The following SLC1A2 variants were observed in gnomAD, a reference collection of about 807,000 sequenced individuals.
SLC1A2 encodes the protein excitatory amino acid transporter 2.
SLC1A2 carries 15 observed loss-of-function variants against 48.8 expected under a neutral mutation model. The ratio of observed to expected loss-of-function variants is 0.31; its 90% CI spans 0.21 to 0.47. SLC1A2 has a LOEUF of 0.47. Among genes scored for constraint, SLC1A2 ranks in the 20% least tolerant of loss-of-function variants. The probability of loss-of-function intolerance (pLI) is 0.99; values close to 1 mark genes in which losing one functional copy is unlikely to be tolerated. For missense variants in SLC1A2, 502 were observed against 730.5 expected (o/e 0.69, Z 3.61); for synonymous variants, 279 against 272.6 (o/e 1.02, Z -0.23).
At chr11:35,311,671 A>G (rs1043700557) in intron 4 of SLC1A2, among the ~76,000 whole-genome samples, 12 of 152,088 alleles carry the variant, frequency 7.9e-5, no homozygotes, top group African/African-American at 2.4e-4. Context: ...CTCCAGATTC[A>G]TCTCTTGGAG....
Position 35,258,631 on chromosome 11 carries a change from T to C in SLC1A2, c.*2263A>G, listed in dbSNP as rs1008821495. The C allele has an allele frequency of 6.6e-6, 1 of 152,550 alleles. No individual in the cohort carries two copies. Among genetic ancestry groups the C allele is most frequent in the Non-Finnish European group, 1.5e-5 (1 of 68,052 alleles). 9.4% of individuals were successfully genotyped at this position (152,550 alleles called of 1,614,324 possible). A position where few individuals can be genotyped will look rare whatever the true frequency, so the allele number is the denominator to read the frequency against. The stretch of plus-strand genomic sequence containing the variant: ...ACCCAGGAACTGTCTCCTTAACCTA[T>C]AACATTTGCTGTAAAGAATGTATTT... On this transcript the variant is annotated 3_prime_UTR_variant, in exon 11 of 11. Coordinates refer to ENST00000278379, the MANE Select transcript of SLC1A2 (RefSeq NM_004171.4).
At chr11:35,338,277 A>G (rs907971080) in intron 1 of SLC1A2, among the ~76,000 whole-genome samples, 2 of 151,634 alleles carry the variant, frequency 1.3e-5, no homozygotes, top group South Asian at 2.1e-4. Context: ...ACACTTGTTG[A>G]CCCCCTTCTT....
chr11:35,369,526 C>A (rs968479956), intron 1 of SLC1A2, among the ~76,000 whole-genome samples: 2 of 152,162 alleles, frequency 1.3e-5, no homozygotes, highest in African/African-American at 4.8e-5. Flanking sequence ...AGCCATGGGG[C>A]CTTGGGGATA....
At chr11:35,314,974 G>C in intron 3 of SLC1A2, 49 bp downstream of exon 3, 1 of 1,395,278 alleles carries the variant, frequency 7.2e-7, no homozygotes. Flanking sequence ...TTAAAAGCCA[G>C]GGCAGGAGTA....
rs536240115 is a variant in SLC1A2 at position 35,344,599 on chromosome 11, C to G, written c.18-27083G>C. Among the ~76,000 whole-genome samples, 5 of 152,300 alleles carry G rather than the reference C, an allele frequency of 3.3e-5. No homozygotes were observed. The South Asian group carries it at 1.0e-3, about 32-fold the overall frequency. ...TTACCCACAGCCCCTAGTTAAGATC[C>G]TTTGTTCTACTCCAACCAGTTGTTG... is the stretch of plus-strand genomic sequence containing the variant. On this transcript the variant is annotated intron_variant, in intron 1 of 10. Transcript: ENST00000278379.
chr11:35,399,492 G>C, intron 1 of SLC1A2: 1 of 300,528 alleles, frequency 3.3e-6, no homozygotes, highest in Non-Finnish European at 4.9e-6. Context: ...AATCTGGAGA[G>C]CCACAGCAGG....
chr11:35,312,573 T>C (rs1347412403), intron 3 of SLC1A2, 125 bp from the exon 4 acceptor site: 3 of 1,126,634 alleles, frequency 2.7e-6, no homozygotes, highest in Non-Finnish European at 2.5e-6. Flanking sequence ...AATCTCCTAC[T>C]GTAGTCTTCC....
intron 1 of SLC1A2, among the ~76,000 whole-genome samples, chr11:35,358,240 A>T (rs1250066017): frequency 6.6e-6 from 1 of 152,208 alleles, no homozygotes. Context: ...TAGAAGGGGA[A>T]TACAACATTT....
intron 10 of SLC1A2, among the ~76,000 whole-genome samples, chr11:35,262,563 G>A (rs1294871529): frequency 6.6e-6 from 1 of 152,222 alleles, no homozygotes; most frequent in Non-Finnish European, 1.5e-5. Context: ...GAAATAGTGA[G>A]ACAGAATTAA....
intron 9 of SLC1A2, among the ~76,000 whole-genome samples, chr11:35,270,805 C>T (rs904180250): frequency 1.4e-4 from 21 of 152,172 alleles, no homozygotes; most frequent in Non-Finnish European, 2.9e-4. Flanking sequence ...GAGGTAGGAA[C>T]ACTTAGATGA....
intron 1 of SLC1A2, among the ~76,000 whole-genome samples, chr11:35,406,580 T>C (rs1855302668): frequency 6.6e-6 from 1 of 151,834 alleles, no homozygotes; most frequent in Admixed American, 6.6e-5. Context: ...GGCAAGACCA[T>C]GGGATATCTG....
chr11:35,309,300 G>A (rs560917459), intron 4 of SLC1A2, among the ~76,000 whole-genome samples: 96 of 152,182 alleles, frequency 6.3e-4, no homozygotes, highest in African/African-American at 2.1e-3. Flanking sequence ...TCCTCCCCCC[G>A]TGGCATCCTT....
chr11:35,375,740 G>A (rs1854205768), intron 1 of SLC1A2, among the ~76,000 whole-genome samples: 3 of 152,238 alleles, frequency 2.0e-5, no homozygotes. Context: ...CCTGGACTGG[G>A]ATGAGGAGGG....
intron 5 of SLC1A2, among the ~76,000 whole-genome samples, chr11:35,305,419 G>C (rs1004382688): frequency 6.6e-6 from 1 of 152,178 alleles, no homozygotes; most frequent in Non-Finnish European, 1.5e-5. Flanking sequence ...GAGAAATGGA[G>C]TAACTTGCCC....
At chr11:35,285,787 C>T (rs756264853) in intron 8 of SLC1A2, 8 of 152,202 alleles carry the variant, frequency 5.3e-5, no homozygotes, top group Non-Finnish European at 1.2e-4. Context: ...CAAAGCAACA[C>T]TCTGGGCTGG....
At chr11:35,287,219 T>G (rs1850848986) in intron 7 of SLC1A2, among the ~76,000 whole-genome samples, 1 of 152,128 alleles carries the variant, frequency 6.6e-6, no homozygotes, top group South Asian at 2.1e-4. Context: ...GATTTTTTCT[T>G]TTGGCCACTG....
At chr11:35,395,010 A>G (rs919573903) in intron 1 of SLC1A2, among the ~76,000 whole-genome samples, 1 of 152,008 alleles carries the variant, frequency 6.6e-6, no homozygotes, top group Non-Finnish European at 1.5e-5. Flanking sequence ...CCCCGAGGAG[A>G]GCGTCTTCCC....
chr11:35,388,369 T>A (rs1228178281), intron 1 of SLC1A2, among the ~76,000 whole-genome samples: 5 of 152,210 alleles, frequency 3.3e-5, no homozygotes, highest in African/African-American at 1.2e-4. Context: ...TTTATAGCAT[T>A]CGAAATAATC....
At chr11:35,329,470 G>C (rs1446776430) in intron 1 of SLC1A2, among the ~76,000 whole-genome samples, 1 of 152,156 alleles carries the variant, frequency 6.6e-6, no homozygotes, top group African/African-American at 2.4e-5. Context: ...GTGAGCAGGG[G>C]TATATGGGAA....
Sources: gnomAD v4.1 joint callset for allele counts (sites outside exome capture counted in the v4.1 genomes callset) on GRCh38, gnomAD v4.1.1 for gene constraint, MANE v1.5 for transcripts, NCBI Gene and HGNC (gene_info 2026-07-23, HGNC 2026-07-21) for gene names.